ATXN7L1: variants seen among roughly 807,000 people sequenced by gnomAD.
ATXN7L1 encodes the protein ataxin-7-like protein 1.
In ATXN7L1, 15 loss-of-function variants were observed where a neutral mutation model predicts 70.8. That is an observed-to-expected ratio of 0.21 (90% CI 0.14 to 0.33). The LOEUF is 0.33. ATXN7L1 is among the 10% of genes least tolerant of loss of function. ATXN7L1 has a pLI of 1.00. For synonymous variants in ATXN7L1, 440 were observed against 445.1 expected (o/e 0.99, Z 0.14); for missense variants, 975 against 1,097.1 (o/e 0.89, Z 1.57).
chr7:105,779,378 C>G (rs771493824), intron 3 of ATXN7L1, among the ~76,000 whole-genome samples: 5 of 152,138 alleles, frequency 3.3e-5, no homozygotes, highest in African/African-American at 4.8e-5. Context: ...AAAGTGGGAC[C>G]AGGTCAACCT....
At chr7:105,686,971 C>T (rs948588527) in intron 3 of ATXN7L1, among the ~76,000 whole-genome samples, 1 of 152,110 alleles carries the variant, frequency 6.6e-6, no homozygotes, top group Non-Finnish European at 1.5e-5. Context: ...GTTTCTGGAG[C>T]CTACTGGTCC....
At chr7:105,859,896 C>T (rs1241864093) in intron 2 of ATXN7L1, among the ~76,000 whole-genome samples, 1 of 150,312 alleles carries the variant, frequency 6.7e-6, no homozygotes. Context: ...ATTTCTCCCA[C>T]CTCGGCCTCC....
chr7:105,826,161 C>T (rs1400713787), intron 2 of ATXN7L1, among the ~76,000 whole-genome samples: 2 of 152,180 alleles, frequency 1.3e-5, no homozygotes, highest in Non-Finnish European at 1.5e-5. Context: ...GGGCAAGGGA[C>T]TGCTATTGAA....
intron 3 of ATXN7L1, among the ~76,000 whole-genome samples, chr7:105,752,150 T>G (rs1352996400): frequency 6.6e-6 from 1 of 152,100 alleles, no homozygotes; most frequent in Non-Finnish European, 1.5e-5. Flanking sequence ...GAAGAACAAT[T>G]GCGAATTCAC....
chr7:105,845,463 G>A lies in ATXN7L1; in HGVS notation c.250+30349C>T, dbSNP rs1368571111. 2.3e-5 allele frequency among the ~76,000 whole-genome samples: 3 copies of A among 128,734 alleles called. No homozygotes were observed. In the East Asian group the frequency reaches 5.9e-4, roughly 25 times the overall value. The allele number at this position is 128,734 out of a possible 152,430, so 84.5% of individuals were successfully genotyped here. A position where few individuals can be genotyped will look rare whatever the true frequency, so the allele number is the denominator to read the frequency against. ...AGACCTAATGTTGCTAAGATGGTTT[G>A]CATTCTCTAAACTGATCTACAGATT... On this transcript the variant is annotated intron_variant, in intron 2 of 11. Coordinates refer to ENST00000419735, the MANE Select transcript of ATXN7L1 (RefSeq NM_020725.2).
At chr7:105,855,593 A>T (rs1461119852) in intron 2 of ATXN7L1, among the ~76,000 whole-genome samples, 2 of 152,210 alleles carry the variant, frequency 1.3e-5, no homozygotes, top group Non-Finnish European at 2.9e-5. Context: ...TATTTTTTTG[A>T]TTATCAAAAT....
intron 3 of ATXN7L1, among the ~76,000 whole-genome samples, chr7:105,672,400 T>G (rs1562984487): frequency 6.6e-6 from 1 of 152,252 alleles, no homozygotes; most frequent in Non-Finnish European, 1.5e-5. Flanking sequence ...CTAACATTAT[T>G]CTGCATATAC....
At chr7:105,646,409 G>A (rs776940190) in intron 4 of ATXN7L1, among the ~76,000 whole-genome samples, 7 of 152,036 alleles carry the variant, frequency 4.6e-5, no homozygotes, top group Non-Finnish European at 7.4e-5. Context: ...ATTGCTTGAG[G>A]CCAGGTGTTT....
chr7:105,723,706 T>C (rs1291580170), intron 3 of ATXN7L1, among the ~76,000 whole-genome samples: 1 of 152,182 alleles, frequency 6.6e-6, no homozygotes, highest in East Asian at 1.9e-4. Flanking sequence ...TGCAGCCTCT[T>C]CCCTTGTGAA....
At chr7:105,717,171 A>C (rs149697725) in intron 3 of ATXN7L1, among the ~76,000 whole-genome samples, 22,846 of 152,182 alleles carry the variant, frequency 0.15, 2,225 homozygotes, top group East Asian at 0.29. Context: ...TCTGTCGCCC[A>C]GGCTGGAGTG....
chr7:105,761,717 G>A (rs1800579331), intron 3 of ATXN7L1, among the ~76,000 whole-genome samples: 1 of 152,106 alleles, frequency 6.6e-6, no homozygotes, highest in East Asian at 1.9e-4. Context: ...TGGCGGTGGG[G>A]TGGGGGCAGG....
At chr7:105,714,424 A>ATACCTATAC (rs1794285117) in intron 3 of ATXN7L1, among the ~76,000 whole-genome samples, 1 of 152,224 alleles carries the variant, frequency 6.6e-6, no homozygotes, top group South Asian at 2.1e-4. Flanking sequence ...TATGCTGAAT[A>ATACCTATAC]TACCTATACT....
chr7:105,778,238 G>A (rs1803009169), intron 3 of ATXN7L1, among the ~76,000 whole-genome samples: 1 of 151,846 alleles, frequency 6.6e-6, no homozygotes, highest in Non-Finnish European at 1.5e-5. Flanking sequence ...TGAATGTGGT[G>A]GCTCATACCT....
At chr7:105,803,906 A>G (rs539432364) in intron 2 of ATXN7L1, among the ~76,000 whole-genome samples, 1 of 152,188 alleles carries the variant, frequency 6.6e-6, no homozygotes, top group Non-Finnish European at 1.5e-5. Flanking sequence ...GGACTATAAT[A>G]CTGTCCCCTC....
chr7:105,721,531 C>T (rs544632312), intron 3 of ATXN7L1, among the ~76,000 whole-genome samples: 2 of 152,350 alleles, frequency 1.3e-5, no homozygotes, highest in South Asian at 4.1e-4. Context: ...CAGATGCTCA[C>T]AGCCACGCCT....
At chr7:105,639,732 T>C (rs1797898538) in intron 5 of ATXN7L1, among the ~76,000 whole-genome samples, 163 bp from the exon 6 acceptor site, 1 of 152,226 alleles carries the variant, frequency 6.6e-6, no homozygotes, top group Non-Finnish European at 1.5e-5. Context: ...AACCAGCTGC[T>C]AAAAGTCTTC....
chr7:105,695,188 G>A (rs1791554601), intron 3 of ATXN7L1, among the ~76,000 whole-genome samples: 1 of 152,178 alleles, frequency 6.6e-6, no homozygotes, highest in African/African-American at 2.4e-5. Flanking sequence ...TCGGGAGGCT[G>A]AGGCAGGAGA....
chr7:105,820,505 G>A (rs530736727), intron 2 of ATXN7L1, among the ~76,000 whole-genome samples: 8 of 152,156 alleles, frequency 5.3e-5, no homozygotes, highest in Non-Finnish European at 5.9e-5. Flanking sequence ...AGAGAGCTGT[G>A]GTTCTCAGCA....
intron 3 of ATXN7L1, among the ~76,000 whole-genome samples, chr7:105,733,662 C>T (rs1351551567): frequency 1.4e-5 from 2 of 143,324 alleles, no homozygotes; most frequent in Admixed American, 6.9e-5. Flanking sequence ...ATCCATCCAT[C>T]CATCCATCCA....
Sources: gnomAD v4.1 joint callset for allele counts (sites outside exome capture counted in the v4.1 genomes callset) on GRCh38, gnomAD v4.1.1 for gene constraint, MANE v1.5 for transcripts, NCBI Gene and HGNC (gene_info 2026-07-23, HGNC 2026-07-21) for gene names.